The following CREBBP variants were observed in gnomAD, a reference collection of about 807,000 sequenced individuals.
The protein encoded by CREBBP is CREB binding lysine acetyltransferase.
Under a neutral mutation model 265.0 loss-of-function variants are expected in CREBBP, and 19 were observed. The observed-to-expected ratio is 0.07, with a 90% CI of 0.05 to 0.11. The LOEUF is 0.11. Among genes scored for constraint, CREBBP ranks in the 10% least tolerant of loss-of-function variants. The pLI, the probability that CREBBP is intolerant of heterozygous loss-of-function variation, is 1.00. For missense variants in CREBBP, 2,525 were observed against 3,219.0 expected (o/e 0.78, Z 5.22); for synonymous variants, 1,457 against 1,223.7 (o/e 1.19, Z -3.98).
At chr16:3,736,601 C>T (rs2151328875) in intron 27 of CREBBP, 49 bp downstream of exon 27, 4 of 1,611,904 alleles carry the variant, frequency 2.5e-6, no homozygotes, top group Non-Finnish European at 3.4e-6. Context: ...CACAAATATC[C>T]TCCCCTCAGT....
At chr16:3,807,125 C>T (rs973053079) in intron 3 of CREBBP, among the ~76,000 whole-genome samples, 4 of 152,108 alleles carry the variant, frequency 2.6e-5, no homozygotes, top group East Asian at 1.9e-4. Context: ...TCTGGGGAGC[C>T]GACTCCAGCA....
intron 3 of CREBBP, among the ~76,000 whole-genome samples, chr16:3,794,288 C>T (rs555762562): frequency 3.3e-5 from 4 of 122,614 alleles, no homozygotes; most frequent in East Asian, 2.6e-4. Flanking sequence ...GCTGAGATGG[C>T]GCCACCGCAC....
At chr16:3,863,752 G>A (rs912439400) in intron 1 of CREBBP, among the ~76,000 whole-genome samples, 1 of 152,168 alleles carries the variant, frequency 6.6e-6, no homozygotes, top group Non-Finnish European at 1.5e-5. Flanking sequence ...AGACAGCCAA[G>A]ACAACGTTAG....
At position 3,736,123 on chromosome 16, in the gene CREBBP, A is replaced by G. The variant is rs2052051388; in HGVS notation, c.4641T>C (p.Asn1547=). ...GTTCCTTAATGCTCTCTTCTAACAC[A>G]TTGGGCCAGAAATCACCTTCAAAAT... The part of the protein sequence containing the change: ...LPYFEGDFWP[N]VLEESIKELE... The change falls in exon 28 of 31, where the codon AAT becomes AAC. Residue 1547 remains asparagine (N), a synonymous_variant. Transcript: ENST00000262367. 4 of 1,613,940 alleles carry G rather than the reference A, an allele frequency of 2.5e-6. No homozygotes were observed. Among genetic ancestry groups the G allele is most frequent in the African/African-American group, 2.7e-5 (2 of 74,882 alleles).
intron 7 of CREBBP, 89 bp downstream of exon 7, chr16:3,781,115 C>T: frequency 7.7e-7 from 1 of 1,296,404 alleles, no homozygotes. Context: ...ACTATTTTCT[C>T]TGCCACACAT....
At chr16:3,872,791 C>A (rs1052066750) in intron 1 of CREBBP, among the ~76,000 whole-genome samples, 2 of 152,218 alleles carry the variant, frequency 1.3e-5, no homozygotes, top group African/African-American at 4.8e-5. Flanking sequence ...GTGCTTTTCC[C>A]AACAACCAGG....
chr16:3,767,624 A>C, intron 16 of CREBBP, 96 bp downstream of exon 16: 3 of 1,529,968 alleles, frequency 2.0e-6, no homozygotes, highest in Non-Finnish European at 2.7e-6. Flanking sequence ...GGGCAGATAG[A>C]ATTATGTTTC....
rs2051731898 is a variant in CREBBP, at chr16:3,725,970, T to G, written c.*1748A>C. ...CCTCCTCTCAGTTTTACGGTTTTTG[T>G]GAACTTGTCTCACCCACTCAGTAAG... is the stretch of plus-strand genomic sequence containing the variant. On this transcript the variant is annotated 3_prime_UTR_variant, in exon 31 of 31. Transcript: ENST00000262367. 4.3e-6 allele frequency: 1 copy of G among 232,964 alleles called. No homozygotes were observed. Among genetic ancestry groups the G allele is most frequent in the Non-Finnish European group, 8.5e-6 (1 of 117,932 alleles). 14.4% of individuals were successfully genotyped at this position (232,964 alleles called of 1,614,324 possible).
At chr16:3,871,785 C>A (rs541402668) in intron 1 of CREBBP, among the ~76,000 whole-genome samples, 1 of 152,322 alleles carries the variant, frequency 6.6e-6, no homozygotes, top group East Asian at 1.9e-4. Flanking sequence ...CTCCACTACA[C>A]AACTACTTTT....
chr16:3,799,174 G>T (rs1356238819), intron 3 of CREBBP, among the ~76,000 whole-genome samples: 3 of 152,174 alleles, frequency 2.0e-5, no homozygotes, highest in Non-Finnish European at 4.4e-5. Context: ...GGGTTCAGGG[G>T]AAATGGGGAA....
chr16:3,769,135 C>T (rs1280004106), intron 15 of CREBBP, 39 bp downstream of exon 15: 10 of 1,611,932 alleles, frequency 6.2e-6, no homozygotes, highest in South Asian at 1.1e-5. Flanking sequence ...GGTAAAGTTG[C>T]GATACGCAGT....
intron 26 of CREBBP, among the ~76,000 whole-genome samples, chr16:3,737,188 C>T (rs1209313626): frequency 6.6e-6 from 1 of 152,158 alleles, no homozygotes. Context: ...GGGTCAATGT[C>T]AACATAAACC....
chr16:3,800,285 GT>G (rs1555487757), intron 3 of CREBBP, among the ~76,000 whole-genome samples: 6 of 152,086 alleles, frequency 3.9e-5, no homozygotes, highest in Non-Finnish European at 8.8e-5. Flanking sequence ...GCCCAGCTAA[GT>G]TTTAAAATTT....
intron 2 of CREBBP, among the ~76,000 whole-genome samples, chr16:3,834,889 T>C (rs1252615074): frequency 6.6e-6 from 1 of 152,194 alleles, no homozygotes; most frequent in Non-Finnish European, 1.5e-5. Flanking sequence ...CCAGGCGCAG[T>C]GGCTCACGCC....
intron 1 of CREBBP, among the ~76,000 whole-genome samples, chr16:3,857,046 C>A (rs775903695): frequency 2.6e-5 from 4 of 152,170 alleles, no homozygotes; most frequent in Non-Finnish European, 4.4e-5. Flanking sequence ...CATCTTCATA[C>A]CCTCACCTGT....
At chr16:3,829,920 A>G (rs999233681) in intron 2 of CREBBP, among the ~76,000 whole-genome samples, 2 of 152,306 alleles carry the variant, frequency 1.3e-5, no homozygotes, top group East Asian at 1.9e-4. Context: ...AGGAAGGGAG[A>G]AAAAAAGGAA....
intron 28 of CREBBP, among the ~76,000 whole-genome samples, chr16:3,733,823 G>C (rs887007362): frequency 2.6e-5 from 4 of 151,988 alleles, no homozygotes; most frequent in African/African-American, 7.3e-5. Context: ...TGTATTTTTA[G>C]TAGAGACGGG....
At position 3,770,889 on chromosome 16, in the gene CREBBP, T is replaced by G. The variant is rs755869801; in HGVS notation, c.2561A>C (p.His854Pro). Residue 854 changes from histidine (H) to proline (P), a missense_variant, in exon 14 of 31, where the codon CAC becomes CCC. Around this residue, in one of 19 missense-constraint regions of CREBBP, gnomAD observed 548 missense variants for 533.0 expected, o/e 1.03. Coordinates refer to ENST00000262367, the MANE Select transcript of CREBBP (RefSeq NM_004380.3). ...CGTGGAAGCAGGAGGCGGTGTTGGGTGCAGTGGTGACTGTGTCACTGGAGG... is the reference window on the plus strand; with the variant it reads ...CGTGGAAGCAGGAGGCGGTGTTGGGGGCAGTGGTGACTGTGTCACTGGAGG... The part of the protein sequence containing the change: ...PCPPVTQSPL[H>P]PTPPPASTAA... The G allele has an allele frequency of 3.7e-6, 6 of 1,613,406 alleles. No homozygotes were observed. The highest frequency in any genetic ancestry group is 3.3e-5 in the Admixed American group (2 of 59,952).
intron 11 of CREBBP, among the ~76,000 whole-genome samples, chr16:3,776,089 G>A (rs925014179): frequency 1.3e-5 from 2 of 152,006 alleles, no homozygotes; most frequent in African/African-American, 4.8e-5. Flanking sequence ...GCTAAATTTT[G>A]TATTTTTAAT....
Sources: gnomAD v4.1 joint callset for allele counts (sites outside exome capture counted in the v4.1 genomes callset) on GRCh38, gnomAD v4.1.1 for gene constraint, gnomAD v4.1.1 regional missense constraint, MANE v1.5 for transcripts, NCBI Gene and HGNC (gene_info 2026-07-23, HGNC 2026-07-21) for gene names.